IPCEF1: variants seen among roughly 807,000 people sequenced by gnomAD.
IPCEF1 encodes the protein interactor protein for cytohesin exchange factors 1.
A neutral mutation model predicts 50.9 loss-of-function variants in IPCEF1; 31 were observed. That is an observed-to-expected ratio of 0.61 (90% CI 0.46 to 0.82). The LOEUF (loss-of-function observed/expected upper bound fraction) is 0.82, where lower values mean the gene tolerates loss of function less well. IPCEF1 is among the 40% of genes least tolerant of loss of function. The probability of loss-of-function intolerance (pLI) is 0.00; values close to 1 mark genes in which losing one functional copy is unlikely to be tolerated. For synonymous variants in IPCEF1, 181 were observed against 192.0 expected, an observed-to-expected ratio of 0.94 and a Z score of 0.47; for missense variants, 458 against 514.0, an observed-to-expected ratio of 0.89 and a Z score of 1.05.
chr6:154,293,724 C>T (rs1222200377), intron 1 of IPCEF1, among the ~76,000 whole-genome samples: 1 of 152,176 alleles, frequency 6.6e-6, no homozygotes, highest in Non-Finnish European at 1.5e-5. Flanking sequence ...ATATTATGCA[C>T]CCCCTAAAAG....
intron 10 of IPCEF1, among the ~76,000 whole-genome samples, chr6:154,198,722 G>C (rs9322450): frequency 0.031 from 4,705 of 151,636 alleles, 220 homozygotes; most frequent in African/African-American, 0.11. Flanking sequence ...AATTAAATTA[G>C]CAGGGTACCC....
intron 10 of IPCEF1, among the ~76,000 whole-genome samples, chr6:154,193,834 C>T (rs1198247088): frequency 6.6e-6 from 1 of 152,196 alleles, no homozygotes; most frequent in Admixed American, 6.5e-5. Flanking sequence ...ACAATACTCC[C>T]TATTTTTTTC....
At chr6:154,222,451 G>T (rs1241946469) in intron 6 of IPCEF1, among the ~76,000 whole-genome samples, 1 of 152,222 alleles carries the variant, frequency 6.6e-6, no homozygotes, top group Non-Finnish European at 1.5e-5. Flanking sequence ...GACTGGAAAA[G>T]ATGTCAAAGG....
chr6:154,339,575 T>TTTTG (rs71268488), intron 1 of IPCEF1, among the ~76,000 whole-genome samples: 10,192 of 149,600 alleles, frequency 0.068, 389 homozygotes, highest in South Asian at 0.11. Context: ...GCCTGGCGTT[T>TTTTG]TTTGTTTGTT....
At chr6:154,192,038 A>G (rs1374741822) in intron 10 of IPCEF1, among the ~76,000 whole-genome samples, 2 of 152,216 alleles carry the variant, frequency 1.3e-5, no homozygotes, top group African/African-American at 4.8e-5. Context: ...GTACTATAAA[A>G]CAATGAAAAT....
At chr6:154,347,076 C>T (rs921597924) in intron 1 of IPCEF1, among the ~76,000 whole-genome samples, 1 of 152,190 alleles carries the variant, frequency 6.6e-6, no homozygotes, top group Non-Finnish European at 1.5e-5. Flanking sequence ...CAAATCTGGG[C>T]TGAGCACTCC....
chr6:154,311,775 A>T (rs1230348292), intron 1 of IPCEF1, among the ~76,000 whole-genome samples: 1 of 152,238 alleles, frequency 6.6e-6, no homozygotes, highest in Non-Finnish European at 1.5e-5. Context: ...GCTATTTTCA[A>T]AAAAAGATGA....
rs1018564735 is a variant in IPCEF1, at chr6:154,159,070, C to T, written c.*758G>A. ...TTCTTTGCGGAACATATTCCTATCT[C>T]CTACCATTGAGTAGGAAAGCTCAAA... On this transcript the variant is annotated 3_prime_UTR_variant, in exon 12 of 12. Transcript: ENST00000367220. The T allele has an allele frequency of 6.6e-6, 1 of 152,244 alleles. No individual in the cohort carries two copies. Among genetic ancestry groups the T allele is most frequent in the African/African-American group, 2.4e-5 (1 of 41,448 alleles). 9.4% of individuals were successfully genotyped at this position (152,244 alleles called of 1,614,324 possible).
intron 1 of IPCEF1, among the ~76,000 whole-genome samples, chr6:154,349,183 C>CTTATTATTATTATTA (rs149749046): frequency 6.8e-6 from 1 of 147,538 alleles, no homozygotes; most frequent in Admixed American, 6.8e-5. Context: ...ATTATTTTAT[C>CTTATTATTATTATTA]TTATTATTAT....
chr6:154,234,991 C>T (rs1780001053), intron 5 of IPCEF1, among the ~76,000 whole-genome samples: 1 of 152,138 alleles, frequency 6.6e-6, no homozygotes. Flanking sequence ...ACTGTTTTCA[C>T]ATATATGGGC....
chr6:154,215,631 T>A (rs1420683705), intron 7 of IPCEF1, among the ~76,000 whole-genome samples: 2 of 151,716 alleles, frequency 1.3e-5, no homozygotes, highest in Non-Finnish European at 2.9e-5. Context: ...AAATAAAATT[T>A]AAAAAAATAA....
intron 7 of IPCEF1, 169 bp from the exon 8 acceptor site, chr6:154,214,445 A>G (rs1003406045): frequency 3.3e-5 from 21 of 630,660 alleles, no homozygotes; most frequent in Non-Finnish European, 5.5e-5. Context: ...TGGTTTCACA[A>G]TACTTTCCAT....
intron 10 of IPCEF1, among the ~76,000 whole-genome samples, chr6:154,186,893 G>C (rs112487217): frequency 6.6e-6 from 1 of 151,888 alleles, no homozygotes. Context: ...AGATGGCACC[G>C]CTCCTCCCTG....
chr6:154,230,063 T>A (rs1583857155), intron 5 of IPCEF1, among the ~76,000 whole-genome samples: 1 of 151,460 alleles, frequency 6.6e-6, no homozygotes, highest in Admixed American at 6.6e-5. Context: ...CGGTTGGGGG[T>A]GGGAACTGAC....
chr6:154,263,546 T>G (rs376514035), intron 3 of IPCEF1, among the ~76,000 whole-genome samples: 7,396 of 97,226 alleles, frequency 0.076, 310 homozygotes, highest in Non-Finnish European at 0.092. Context: ...ATGTTTCAGA[T>G]AGCACAGGGT....
At chr6:154,214,318 G>C (rs1441555301) in intron 7 of IPCEF1, 42 bp from the exon 8 acceptor site, 2 of 1,347,794 alleles carry the variant, frequency 1.5e-6, no homozygotes, top group African/African-American at 1.4e-5. Context: ...AAAGAGATTA[G>C]CCCCCCACCC....
At chr6:154,332,962 G>C (rs998481639) in intron 1 of IPCEF1, among the ~76,000 whole-genome samples, 2 of 152,082 alleles carry the variant, frequency 1.3e-5, no homozygotes, top group African/African-American at 4.8e-5. Flanking sequence ...AGAGAGAATC[G>C]AAAAACAATT....
intron 3 of IPCEF1, among the ~76,000 whole-genome samples, chr6:154,265,289 T>G (rs1284433761): frequency 6.6e-6 from 1 of 152,068 alleles, no homozygotes; most frequent in Non-Finnish European, 1.5e-5. Flanking sequence ...TTATTATGTT[T>G]TTTTTTTTTG....
At chr6:154,212,958 C>T (rs1219788102) in intron 8 of IPCEF1, 103 bp from the exon 9 acceptor site, 1 of 800,700 alleles carries the variant, frequency 1.2e-6, no homozygotes, top group Admixed American at 2.1e-5. Flanking sequence ...AATTTCAATC[C>T]AATTCAGAAA....
Sources: allele counts gnomAD v4.1 joint callset (sites outside exome capture counted in the v4.1 genomes callset), GRCh38; gene constraint gnomAD v4.1.1; transcripts MANE v1.5; gene names NCBI Gene and HGNC (gene_info 2026-07-23, HGNC 2026-07-21).